The following POT1 variants were observed in gnomAD, a reference collection of about 807,000 sequenced individuals.
POT1 encodes the protein protection of telomeres protein 1.
POT1 carries 47 observed loss-of-function variants against 78.5 expected under a neutral mutation model. The observed-to-expected ratio is 0.60, with a 90% CI of 0.47 to 0.76. The LOEUF is 0.76. Ranked by LOEUF, POT1 falls within the 30% of genes least tolerant of loss-of-function variation. POT1 has a pLI of 0.00. For synonymous variants in POT1, 259 were observed against 260.7 expected (o/e 0.99, Z 0.06); for missense variants, 646 against 749.9 (o/e 0.86, Z 1.62).
intron 6 of POT1, among the ~76,000 whole-genome samples, chr7:124,884,316 A>C (rs1796192648): frequency 6.6e-6 from 1 of 152,154 alleles, no homozygotes; most frequent in Non-Finnish European, 1.5e-5. Context: ...AGAGGCTCTC[A>C]GAATCCAGTG....
chr7:124,885,570 T>C (rs888487150), intron 6 of POT1, among the ~76,000 whole-genome samples: 1 of 151,918 alleles, frequency 6.6e-6, no homozygotes, highest in African/African-American at 2.4e-5. Context: ...ATCGAGACCA[T>C]CCTGGCTAAC....
In POT1 at chr7:124,853,810, T is replaced by C. The variant is rs117144024; in HGVS notation, c.703-672A>G. ...GCTAAACTTAGTCTACAAATGTCTT[T>C]AATTATAGACCACTGAGATTTTTCT... On this transcript the variant is annotated intron_variant, in intron 9 of 18. Coordinates refer to ENST00000357628, the MANE Select transcript of POT1 (RefSeq NM_015450.3). Among the ~76,000 whole-genome samples the C allele has an allele frequency of 1.3e-3, 199 of 152,210 alleles. 1 individual carries two copies. The highest frequency in any genetic ancestry group is 0.011 in the East Asian group (57 of 5,190).
Position 124,904,773 on chromosome 7 carries a change from T to G in POT1, c.-153-6399A>C, listed in dbSNP as rs552150157. On this transcript the variant is annotated intron_variant, in intron 3 of 18. Transcript: ENST00000357628. ...CATCGGTCTCAGCTCAAAATCTCCTTAAGCTAATAAGCAACTTCAGCAAAG... is the reference window on the plus strand; with the variant it reads ...CATCGGTCTCAGCTCAAAATCTCCTGAAGCTAATAAGCAACTTCAGCAAAG... Among the ~76,000 whole-genome samples the G allele has an allele frequency of 3.3e-5, 5 of 152,318 alleles. No individual in the cohort carries two copies. In the East Asian group the frequency reaches 9.6e-4, roughly 29 times the overall value.
At chr7:124,845,606 T>C (rs892097234) in intron 12 of POT1, among the ~76,000 whole-genome samples, 12 of 152,202 alleles carry the variant, frequency 7.9e-5, no homozygotes, top group African/African-American at 2.9e-4. Context: ...TTAACAAGAA[T>C]ATACTAGAGA....
At chr7:124,920,103 A>G (rs550196712) in intron 2 of POT1, among the ~76,000 whole-genome samples, 3 of 152,182 alleles carry the variant, frequency 2.0e-5, no homozygotes, top group Non-Finnish European at 4.4e-5. Context: ...CCTTTACTCA[A>G]ATGAAATAAA....
intron 7 of POT1, among the ~76,000 whole-genome samples, chr7:124,865,504 T>C (rs1306193002): frequency 1.3e-5 from 2 of 152,006 alleles, no homozygotes; most frequent in Non-Finnish European, 2.9e-5. Flanking sequence ...TTCTAATGAT[T>C]TGTCATCAAT....
At chr7:124,922,592 C>G (rs1439395596) in intron 2 of POT1, among the ~76,000 whole-genome samples, 3 of 151,670 alleles carry the variant, frequency 2.0e-5, no homozygotes, top group African/African-American at 7.3e-5. Context: ...TGTAAGTATA[C>G]CTTAGTAAGG....
intron 3 of POT1, among the ~76,000 whole-genome samples, chr7:124,914,585 C>G (rs535905701): frequency 6.6e-6 from 1 of 152,200 alleles, no homozygotes; most frequent in East Asian, 1.9e-4. Context: ...CAAATTCAAC[C>G]AATTCAGACT....
At chr7:124,910,689 A>G (rs1484413751) in intron 3 of POT1, among the ~76,000 whole-genome samples, 8 of 151,998 alleles carry the variant, frequency 5.3e-5, no homozygotes, top group Non-Finnish European at 1.2e-4. Flanking sequence ...ACAGAAAAAT[A>G]AGTTATTTAA....
chr7:124,887,094 G>C (rs529493087), intron 6 of POT1, among the ~76,000 whole-genome samples: 32 of 152,108 alleles, frequency 2.1e-4, no homozygotes, highest in East Asian at 7.7e-4. Context: ...CTCCCAGAAG[G>C]GGCAGCACAC....
At chr7:124,920,938 A>AT (rs1554441702) in intron 2 of POT1, among the ~76,000 whole-genome samples, 2 of 151,728 alleles carry the variant, frequency 1.3e-5, no homozygotes, top group Non-Finnish European at 1.5e-5. Context: ...TAAAAAAAAA[A>AT]TTTTTTTAAT....
At position 124,859,080 on chromosome 7, in the gene POT1, A is replaced by G. The variant is rs1308025357; in HGVS notation, c.579T>C (p.Ser193=). 23 of 1,605,518 alleles carry G rather than the reference A, an allele frequency of 1.4e-5. No individual in the cohort carries two copies. The highest frequency in any genetic ancestry group is 1.8e-5 in the Non-Finnish European group (21 of 1,174,934). Residue 193 remains serine (S), a synonymous_variant, in exon 9 of 19, where the codon TCT becomes TCC. Coordinates refer to ENST00000357628, the MANE Select transcript of POT1 (RefSeq NM_015450.3). ...CAAGGTCTTGTATTAAGACTCTCCA[A>G]GATGGAAATGGTGTCCTGGTGCCAT... ...VWDGTRTPFP[S]WRVLIQDLVL...
intron 12 of POT1, among the ~76,000 whole-genome samples, chr7:124,845,849 C>T (rs1795150426): frequency 6.6e-6 from 1 of 151,942 alleles, no homozygotes; most frequent in Non-Finnish European, 1.5e-5. Context: ...CTGCTTTACT[C>T]AATTAGTATT....
At chr7:124,828,831 C>A in intron 16 of POT1, 1 of 499,114 alleles carries the variant, frequency 2.0e-6, no homozygotes, top group Admixed American at 2.1e-5. Context: ...GAAAACAAAA[C>A]CAAGTGTACA....
intron 11 of POT1, 60 bp downstream of exon 11, chr7:124,851,812 G>T: frequency 8.8e-7 from 1 of 1,139,036 alleles, no homozygotes; most frequent in Non-Finnish European, 1.3e-6. Flanking sequence ...AAAGAATTAT[G>T]TTGATAAAAC....
chr7:124,828,465 T>G (rs10249081), intron 16 of POT1, among the ~76,000 whole-genome samples: 60,606 of 151,892 alleles, frequency 0.4, 12,207 homozygotes, highest in East Asian at 0.5. Flanking sequence ...TTAAACAGTA[T>G]AACTAATTAA....
chr7:124,898,831 T>C lies in POT1; in HGVS notation c.-153-457A>G, dbSNP rs142019389. 5.6e-3 allele frequency among the ~76,000 whole-genome samples: 858 copies of C among 152,268 alleles called. 8 individuals carry two copies. The highest frequency in any genetic ancestry group is 0.024 in the Middle Eastern group (7 of 294). On this transcript the variant is annotated intron_variant, in intron 3 of 18. Transcript: ENST00000357628. ...GGACATAATAAGAAATTTCCATTTATATACTAATAAGAACAAAGATATTTT... is the reference window on the plus strand; with the variant it reads ...GGACATAATAAGAAATTTCCATTTACATACTAATAAGAACAAAGATATTTT...
intron 14 of POT1, chr7:124,840,611 G>A (rs1795003622): frequency 6.4e-6 from 1 of 155,202 alleles, no homozygotes; most frequent in Non-Finnish European, 1.4e-5. Context: ...CTATTTCTAT[G>A]AAACAACAGT....
At chr7:124,897,257 C>T in intron 4 of POT1, 45 bp from the exon 5 acceptor site, 1 of 812,944 alleles carries the variant, frequency 1.2e-6, no homozygotes, top group Non-Finnish European at 1.9e-6. Flanking sequence ...AGATAACCTC[C>T]AATGTGATTA....
Sources: allele counts gnomAD v4.1 joint callset (sites outside exome capture counted in the v4.1 genomes callset), GRCh38; gene constraint gnomAD v4.1.1; transcripts MANE v1.5; gene names NCBI Gene and HGNC (gene_info 2026-07-23, HGNC 2026-07-21).